Variants in PSG3 observed in about 807,000 individuals in gnomAD.
PSG3 encodes pregnancy-specific beta-1-glycoprotein 3.
A neutral mutation model predicts 47.5 loss-of-function variants in PSG3; 61 were observed. The observed-to-expected ratio is 1.28, with a 90% confidence interval of 1.05 to 1.59. The LOEUF (loss-of-function observed/expected upper bound fraction) is 1.59, where lower values mean the gene tolerates loss of function less well. PSG3 is among the 40% of genes most tolerant of loss of function. PSG3 has a pLI of 0.00. For missense variants in PSG3, 756 were observed against 524.0 expected, an observed-to-expected ratio of 1.44 and a Z score of -4.32; for synonymous variants, 263 against 198.4, an observed-to-expected ratio of 1.33 and a Z score of -2.74.
Position 42,738,747 on chromosome 19 carries a change from C to T in PSG3, c.407G>A (p.Gly136Glu), listed in dbSNP as rs749381207. 4.3e-6 allele frequency: 7 copies of T among 1,613,932 alleles called. No homozygotes were observed. Among genetic ancestry groups the T allele is most frequent in the Non-Finnish European group, 5.9e-6 (7 of 1,179,872 alleles). ...KRGDGTRGET[G>E]HFTFTLYLET... ...ACGGTATAAGGTGAAGGTGAAATGT[C>T]CAGTTTCTCCTCTAGTCCCATCACC... Residue 136 changes from glycine to glutamate, a missense_variant, in exon 2 of 7, where the codon GGA becomes GAA. Transcript: ENST00000327495.
At chr19:42,728,591 G>A (rs187109838) in intron 5 of PSG3, among the ~76,000 whole-genome samples, 2 of 152,316 alleles carry the variant, frequency 1.3e-5, no homozygotes, top group South Asian at 2.1e-4. Flanking sequence ...CACAGATGCT[G>A]GTCCCACCCA....
intron 6 of PSG3, among the ~76,000 whole-genome samples, chr19:42,722,686 T>C (rs1969317890): frequency 6.6e-6 from 1 of 152,208 alleles, no homozygotes; most frequent in South Asian, 2.1e-4. Flanking sequence ...TCAGCTTCTG[T>C]TTGTTAACTG....
chr19:42,738,855 G>C lies in PSG3; in HGVS notation c.299C>G (p.Thr100Arg), dbSNP rs972897117. The C allele has an allele frequency of 3.1e-6, 5 of 1,613,996 alleles. No homozygotes were observed. Among genetic ancestry groups the C allele is most frequent in the South Asian group, 2.2e-5 (2 of 91,086 alleles). Reference protein sequence around the residue: ...IYGPAYSGRETVYSNASLLIQ... With the variant: ...IYGPAYSGRERVYSNASLLIQ... ...CAGCAGGGATGCATTGGAATATACT[G>C]TTTCTCGTCCACTGTATGCAGGCCC... Residue 100 changes from threonine (T) to arginine (R), a missense_variant, in exon 2 of 7, where the codon ACA (threonine) becomes AGA (arginine). By Grantham distance (71) the Thr-to-Arg change is moderately conservative. Transcript: ENST00000327495.
chr19:42,722,743 A>G (rs187867720), intron 6 of PSG3, among the ~76,000 whole-genome samples: 2 of 152,166 alleles, frequency 1.3e-5, no homozygotes, highest in Non-Finnish European at 2.9e-5. Flanking sequence ...GGGCCAAAAA[A>G]GTATAGTCTT....
Position 42,738,920 on chromosome 19 carries a change from G to A in PSG3, c.234C>T (p.Tyr78=), listed in dbSNP as rs1600392193. The A allele has an allele frequency of 1.2e-6, 2 of 1,614,110 alleles. No individual in the cohort carries two copies. The highest frequency in any genetic ancestry group is 1.3e-5 in the African/African-American group (1 of 75,022). The change falls in exon 2 of 7, where the codon TAC becomes TAT. Residue 78 remains tyrosine (Y), a synonymous_variant. Coordinates refer to ENST00000327495, the MANE Select transcript of PSG3 (RefSeq NM_021016.4). ...GACCATCTACTACGTATGATGTAAT[G>A]TAATGGTAGAGGTCCTTCATTTGCC... The part of the protein sequence containing the change: ...YKGQMKDLYH[Y]ITSYVVDGQI...
chr19:42,731,325 T>C (rs1306228136), intron 3 of PSG3, among the ~76,000 whole-genome samples: 1 of 152,218 alleles, frequency 6.6e-6, no homozygotes, highest in Non-Finnish European at 1.5e-5. Context: ...TCTGAAAGAC[T>C]CAAAATCTAA....
At chr19:42,731,176 G>T (rs1479005043) in intron 3 of PSG3, among the ~76,000 whole-genome samples, 1 of 152,184 alleles carries the variant, frequency 6.6e-6, no homozygotes, top group East Asian at 1.9e-4. Context: ...CTAGAGATCT[G>T]CTGTAGAGCT....
rs1600382585 is a variant in PSG3 at position 42,729,450 on chromosome 19, C to G, written c.989-73G>C. On this transcript the variant is annotated intron_variant, in intron 4 of 6. Transcript: ENST00000327495. ...GGATGCTCCTGGTCTCTTAAAGGGACACAGTGACCCTCTGAGCCAAGACAC... is the reference window on the plus strand; with the variant it reads ...GGATGCTCCTGGTCTCTTAAAGGGAGACAGTGACCCTCTGAGCCAAGACAC... The G allele has an allele frequency of 9.7e-6, 15 of 1,550,752 alleles. No individual in the cohort carries two copies. The East Asian group carries it at 3.4e-4, about 35-fold the overall frequency.
At chr19:42,731,135 G>A (rs185885718) in intron 3 of PSG3, among the ~76,000 whole-genome samples, 4 of 152,298 alleles carry the variant, frequency 2.6e-5, no homozygotes, top group African/African-American at 9.6e-5. Context: ...TTCATGGGTG[G>A]GCAGTTTCAG....
At position 42,729,840 on chromosome 19, in the gene PSG3, T is replaced by A; in HGVS notation, c.926A>T (p.Gln309Leu). 6.2e-7 allele frequency: 1 copy of A among 1,613,568 alleles called. No homozygotes were observed. Among genetic ancestry groups the A allele is most frequent in the Middle Eastern group, 1.7e-4 (1 of 5,736 alleles). ...ACCATATCGGTCCTGTATTTCACAT[T>A]GATAGGGTCCTGTTTCATTTCTCGT... The part of the protein sequence containing the change: ...SVTRNETGPY[Q>L]CEIQDRYGGI... Residue 309 changes from glutamine to leucine, a missense_variant, in exon 4 of 7, where the codon CAA (glutamine) becomes CTA (leucine). Physicochemically the swap from Gln to Leu is moderately radical, Grantham distance 113. Transcript: ENST00000327495.
chr19:42,722,528 A>G lies in PSG3; in HGVS notation c.*41-438T>C, dbSNP rs1266085334. The stretch of plus-strand genomic sequence containing the variant: ...CTCGGCCTCCCAAAGTGCTGGGATG[A>G]CAGGCGTGAGCCATCGCACCCAGCC... On this transcript the variant is annotated intron_variant, in intron 6 of 6. Coordinates refer to ENST00000327495, the MANE Select transcript of PSG3 (RefSeq NM_021016.4). Among the ~76,000 whole-genome samples the G allele has an allele frequency of 3.9e-5, 6 of 152,240 alleles. No individual in the cohort carries two copies. In the South Asian group the frequency reaches 8.3e-4, roughly 21 times the overall value.
chr19:42,732,612 T>A (rs1165490356), intron 3 of PSG3, 172 bp downstream of exon 3: 5 of 1,462,852 alleles, frequency 3.4e-6, no homozygotes, highest in Non-Finnish European at 4.7e-6. Flanking sequence ...CTCCTATTGT[T>A]GATCAAGCCT....
At chr19:42,732,146 T>C (rs1305965092) in intron 3 of PSG3, 1 of 154,332 alleles carries the variant, frequency 6.5e-6, no homozygotes, top group Non-Finnish European at 1.4e-5. Flanking sequence ...TATGATCCTC[T>C]TGATTATGAG....
chr19:42,734,297 C>G (rs1969525587), intron 2 of PSG3: 1 of 152,154 alleles, frequency 6.6e-6, no homozygotes. Flanking sequence ...AGTACATGTA[C>G]TGGTTTAGCA....
At chr19:42,730,742 T>G (rs377336512) in intron 3 of PSG3, among the ~76,000 whole-genome samples, 68 of 152,342 alleles carry the variant, frequency 4.5e-4, no homozygotes, top group African/African-American at 1.1e-3. Flanking sequence ...AGAGTGAAGG[T>G]GACAGGCAAG....
chr19:42,730,641 A>C (rs1159880761), intron 3 of PSG3, among the ~76,000 whole-genome samples: 1 of 152,310 alleles, frequency 6.6e-6, no homozygotes, highest in East Asian at 1.9e-4. Context: ...TGGAGGCTCA[A>C]GGTGGGGCAG....
chr19:42,732,710 A>G, intron 3 of PSG3, 74 bp downstream of exon 3: 1 of 1,614,058 alleles, frequency 6.2e-7, no homozygotes. Flanking sequence ...CCTGAGAGGG[A>G]CTGAGAGGCC....
intron 6 of PSG3, among the ~76,000 whole-genome samples, chr19:42,723,425 G>T (rs1403285260): frequency 6.6e-6 from 1 of 152,154 alleles, no homozygotes; most frequent in Non-Finnish European, 1.5e-5. Flanking sequence ...AGGAAGTAGC[G>T]GTAAAGGAAG....
At chr19:42,722,685 G>C (rs1969317864) in intron 6 of PSG3, among the ~76,000 whole-genome samples, 1 of 151,972 alleles carries the variant, frequency 6.6e-6, no homozygotes, top group Admixed American at 6.6e-5. Context: ...TTCAGCTTCT[G>C]TTTGTTAACT....
Sources: allele counts gnomAD v4.1 joint callset (sites outside exome capture counted in the v4.1 genomes callset), GRCh38; gene constraint gnomAD v4.1.1; transcripts MANE v1.5; gene names NCBI Gene and HGNC (gene_info 2026-07-23, HGNC 2026-07-21).